The following OXR1 variants were observed in gnomAD, a reference collection of about 807,000 sequenced individuals.
OXR1 encodes oxidation resistance 1, also known as oxidation resistance protein 1.
Under a neutral mutation model 104.6 loss-of-function variants are expected in OXR1, and 41 were observed. The ratio of observed to expected loss-of-function variants is 0.39; its 90% CI spans 0.31 to 0.51. The LOEUF is 0.51. OXR1 is among the 20% of genes least tolerant of loss of function. The probability of loss-of-function intolerance (pLI) is 0.77; values close to 1 mark genes in which losing one functional copy is unlikely to be tolerated. For missense variants in OXR1, 955 were observed against 1,031.9 expected (o/e 0.93, Z 1.02); for synonymous variants, 348 against 348.4 (o/e 1.00, Z 0.01).
At chr8:106,714,418 T>G (rs1330918136) in intron 11 of OXR1, among the ~76,000 whole-genome samples, 2 of 152,080 alleles carry the variant, frequency 1.3e-5, no homozygotes, top group Non-Finnish European at 2.9e-5. Context: ...TTGCATAGCA[T>G]CTATACAAAT....
chr8:106,618,333 A>G lies in OXR1; in HGVS notation c.221-60877A>G, dbSNP rs1309321492. ...CGATGCAGTTGGAGGTTCTATAGCT[A>G]CTGCCTCCAAAATGCAAATGTTTGG... is the stretch of plus-strand genomic sequence containing the variant. On this transcript the variant is annotated intron_variant, in intron 3 of 16. Coordinates refer to ENST00000517566, the MANE Select transcript of OXR1 (RefSeq NM_001198533.2). The G allele has an allele frequency of 1.5e-5, 11 of 714,656 alleles. No individual in the cohort carries two copies. The African/African-American group carries it at 1.8e-4, about 11-fold the overall frequency. 44.3% of individuals were successfully genotyped at this position (714,656 alleles called of 1,614,324 possible).
intron 2 of OXR1, among the ~76,000 whole-genome samples, chr8:106,425,440 T>C (rs901411968): frequency 1.3e-5 from 2 of 152,186 alleles, no homozygotes; most frequent in African/African-American, 4.8e-5. Flanking sequence ...GAGAATATAA[T>C]TTCTCTCTGA....
At chr8:106,570,966 A>G (rs939011776) in intron 3 of OXR1, among the ~76,000 whole-genome samples, 4 of 152,100 alleles carry the variant, frequency 2.6e-5, no homozygotes, top group Admixed American at 2.0e-4. Context: ...GGTCATGCCA[A>G]TTAGCTTAGA....
rs145032626 is a variant in OXR1, at chr8:106,296,668, G to A, written c.-139+26301G>A. Among the ~76,000 whole-genome samples the A allele has an allele frequency of 1.1e-4, 16 of 152,282 alleles. No homozygotes were observed. In the East Asian group the frequency reaches 2.7e-3, roughly 26 times the overall value. Reference sequence around the variant, plus strand: ...GTGTTGATGAATAGTAGTAAGGCCAGTGTACATATTAGGGACTAAATATCA... The same window carrying A: ...GTGTTGATGAATAGTAGTAAGGCCAATGTACATATTAGGGACTAAATATCA... On this transcript the variant is annotated intron_variant, in intron 1 of 16. Coordinates refer to ENST00000517566, the MANE Select transcript of OXR1 (RefSeq NM_001198533.2).
intron 3 of OXR1, among the ~76,000 whole-genome samples, chr8:106,619,456 A>G (rs1254690047): frequency 1.3e-5 from 2 of 152,234 alleles, no homozygotes; most frequent in East Asian, 3.8e-4. Flanking sequence ...TAATTTATAC[A>G]AAATTATCAA....
At chr8:106,293,164 C>A (rs755492397) in intron 1 of OXR1, among the ~76,000 whole-genome samples, 1 of 152,122 alleles carries the variant, frequency 6.6e-6, no homozygotes, top group Non-Finnish European at 1.5e-5. Context: ...TAGATCAATG[C>A]TACAGAAAAT....
At position 106,464,380 on chromosome 8, in the gene OXR1, C is replaced by T. The variant is rs185331927; in HGVS notation, c.24-54563C>T. Among the ~76,000 whole-genome samples the T allele has an allele frequency of 1.8e-3, 272 of 151,798 alleles. No homozygotes were observed. The Middle Eastern group carries it at 0.02, about 11-fold the overall frequency. On this transcript the variant is annotated intron_variant, in intron 2 of 16. Transcript: ENST00000517566. The stretch of plus-strand genomic sequence containing the variant: ...AAATCCAAGTTGTCTATTCCTAGAC[C>T]GAAAATATTAATTAATTAGATATGT...
intron 2 of OXR1, among the ~76,000 whole-genome samples, chr8:106,362,935 A>G (rs1816308511): frequency 1.3e-5 from 2 of 152,192 alleles, no homozygotes; most frequent in Admixed American, 1.3e-4. Context: ...GTTGATAGAG[A>G]TCCTAGTGAA....
At chr8:106,535,464 A>C (rs1016066339) in intron 3 of OXR1, among the ~76,000 whole-genome samples, 3 of 152,196 alleles carry the variant, frequency 2.0e-5, no homozygotes, top group African/African-American at 4.8e-5. Flanking sequence ...AAGTTTTTAC[A>C]GTCCTTTGGA....
At chr8:106,672,469 A>T (rs751604863) in intron 3 of OXR1, among the ~76,000 whole-genome samples, 4 of 151,846 alleles carry the variant, frequency 2.6e-5, no homozygotes, top group Non-Finnish European at 4.4e-5. Context: ...CCTGGGCAAC[A>T]AAGTGAGACT....
chr8:106,320,316 TC>T (rs919843860), intron 1 of OXR1, among the ~76,000 whole-genome samples: 6 of 152,164 alleles, frequency 3.9e-5, no homozygotes, highest in Non-Finnish European at 7.3e-5. Flanking sequence ...CGTCAGGATC[TC>T]CTTGTCGTAG....
chr8:106,362,341 T>C (rs1192887992), intron 2 of OXR1, among the ~76,000 whole-genome samples: 1 of 152,108 alleles, frequency 6.6e-6, no homozygotes, highest in Middle Eastern at 3.2e-3. Context: ...CTGTTGTGAC[T>C]CTCGTAGAAA....
In OXR1 at chr8:106,380,278, C is replaced by T. The variant is rs191989448; in HGVS notation, c.23+20642C>T. 6.3e-4 allele frequency among the ~76,000 whole-genome samples: 96 copies of T among 151,706 alleles called. No homozygotes were observed. The Middle Eastern group carries it at 0.01, about 16-fold the overall frequency. On this transcript the variant is annotated intron_variant, in intron 2 of 16. Transcript: ENST00000517566. ...TAACATAATGTTTTCAAGATTTATA[C>T]GTGTCATAAAATATATTAGTACCTA...
chr8:106,613,964 G>C (rs1172005767), intron 3 of OXR1, among the ~76,000 whole-genome samples: 1 of 152,062 alleles, frequency 6.6e-6, no homozygotes, highest in Non-Finnish European at 1.5e-5. Flanking sequence ...GGCACTTCTC[G>C]GGGTGAAAGT....
intron 1 of OXR1, among the ~76,000 whole-genome samples, chr8:106,271,154 T>G (rs1295937035): frequency 6.6e-6 from 1 of 151,896 alleles, no homozygotes; most frequent in Non-Finnish European, 1.5e-5. Context: ...CCTGAAAGGT[T>G]CAGGAGAGGG....
At position 106,692,767 on chromosome 8, in the gene OXR1, A is replaced by G. The variant is rs777653448; in HGVS notation, c.565A>G (p.Thr189Ala). The G allele has an allele frequency of 4.4e-6, 7 of 1,584,126 alleles. No homozygotes were observed. Among genetic ancestry groups the G allele is most frequent in the Admixed American group, 1.7e-5 (1 of 57,194 alleles). ...TCCAACAGAAGCAACTCCCTCATCT[A>G]CTTTCACTGGTATTCGACCTGCACG... ...VHPTEATPSS[T>A]FTGIRPARVV... The change falls in exon 7 of 17, where the codon ACT becomes GCT. Residue 189 changes from threonine to alanine, a missense_variant. By Grantham distance (58) the Thr-to-Ala change is moderately conservative. Transcript: ENST00000517566.
chr8:106,708,884 C>G (rs1166069720), intron 9 of OXR1, among the ~76,000 whole-genome samples: 1 of 150,688 alleles, frequency 6.6e-6, no homozygotes, highest in Non-Finnish European at 1.5e-5. Context: ...TTTACCTTCC[C>G]TGCGGCAGTA....
intron 7 of OXR1, among the ~76,000 whole-genome samples, chr8:106,696,168 C>T (rs1830011105): frequency 6.6e-6 from 1 of 152,142 alleles, no homozygotes; most frequent in African/African-American, 2.4e-5. Context: ...GGTCGTCTTA[C>T]TCTCTCTGTA....
chr8:106,549,224 C>T (rs1286369228), intron 3 of OXR1, among the ~76,000 whole-genome samples: 2 of 151,278 alleles, frequency 1.3e-5, no homozygotes, highest in Admixed American at 1.3e-4. Flanking sequence ...TTGTATTTTC[C>T]CATCACAAAC....
Sources: allele counts gnomAD v4.1 joint callset (sites outside exome capture counted in the v4.1 genomes callset), GRCh38; gene constraint gnomAD v4.1.1; transcripts MANE v1.5; gene names NCBI Gene and HGNC (gene_info 2026-07-23, HGNC 2026-07-21).